The following SHROOM4 variants were observed in gnomAD, a reference collection of about 807,000 sequenced individuals.
The protein encoded by SHROOM4 is protein Shroom4.
In SHROOM4, 17 loss-of-function variants were observed where a neutral mutation model predicts 80.3. The observed-to-expected ratio is 0.21, with a 90% CI of 0.14 to 0.32. The LOEUF is 0.32. Ranked by LOEUF, SHROOM4 falls within the 10% of genes least tolerant of loss-of-function variation. The probability of loss-of-function intolerance (pLI) is 1.00; values close to 1 mark genes in which losing one functional copy is unlikely to be tolerated. For synonymous variants in SHROOM4, 400 were observed against 437.5 expected (o/e 0.91, Z 1.07); for missense variants, 993 against 1,140.3 (o/e 0.87, Z 1.86).
intron 7 of SHROOM4, among the ~76,000 whole-genome samples, chrX:50,599,305 T>C (rs1929283929): frequency 9.0e-6 from 1 of 111,715 alleles, no homozygotes; most frequent in African/African-American, 3.3e-5. Flanking sequence ...GATCTTTGCT[T>C]CCTTAGCTTG....
chrX:50,711,438 T>C (rs1933812556), intron 1 of SHROOM4, among the ~76,000 whole-genome samples: 1 of 111,918 alleles, frequency 8.9e-6, no homozygotes, highest in African/African-American at 3.2e-5. Flanking sequence ...GTTCTATACA[T>C]TAATAGAGAT....
chrX:50,809,137 A>G, intron 1 of SHROOM4, among the ~76,000 whole-genome samples: 1 of 111,542 alleles, frequency 9.0e-6, no homozygotes, highest in Non-Finnish European at 1.9e-5. Context: ...GAGGGGATTC[A>G]TGTAGGTAAC....
intron 4 of SHROOM4, among the ~76,000 whole-genome samples, chrX:50,630,818 G>T (rs1931026931): frequency 9.0e-6 from 1 of 111,488 alleles, no homozygotes; most frequent in East Asian, 2.8e-4. Flanking sequence ...TTTCTTGAAA[G>T]ACACAAACTA....
chrX:50,634,982 G>A lies in SHROOM4; in HGVS notation c.1091C>T (p.Thr364Ile). 2.5e-6 allele frequency: 3 copies of A among 1,212,160 alleles called. No individual in the cohort carries two copies. The highest frequency in any genetic ancestry group is 3.5e-5 in the South Asian group (2 of 56,994). The change falls in exon 4 of 9, where the codon ACC (threonine) becomes ATC (isoleucine). Residue 364 changes from threonine to isoleucine, a missense_variant. By Grantham distance (89) the Thr-to-Ile change is moderately conservative (BLOSUM62 -1). Coordinates refer to ENST00000376020, the MANE Select transcript of SHROOM4 (RefSeq NM_020717.5). Reference sequence around the variant, plus strand: ...GGCTTTTGGGGATCCAACAGCTTTGGTTGAGGCCTGCATCAGTAGATGCTC... The same window carrying A: ...GGCTTTTGGGGATCCAACAGCTTTGATTGAGGCCTGCATCAGTAGATGCTC... ...GSEHLLMQAS[T>I]KAVGSPKACD...
Position 50,586,987 on chromosome X carries a change from C to T in SHROOM4, c.*9708G>A, listed in dbSNP as rs1419716516. On this transcript the variant is annotated 3_prime_UTR_variant, in exon 9 of 9. Coordinates refer to ENST00000376020, the MANE Select transcript of SHROOM4 (RefSeq NM_020717.5). ...CCAGTATTCAATACAGCATTATTAA[C>T]TATAGAACTTATGCTGTACATGAGA... Among the ~76,000 whole-genome samples the T allele has an allele frequency of 8.9e-6, 1 of 111,821 alleles. No homozygotes were observed. Among genetic ancestry groups the T allele is most frequent in the African/African-American group, 3.3e-5 (1 of 30,762 alleles).
At chrX:50,603,200 T>TA (rs1929513600) in intron 6 of SHROOM4, among the ~76,000 whole-genome samples, 1 of 111,088 alleles carries the variant, frequency 9.0e-6, no homozygotes. Context: ...TCTGAGACCT[T>TA]ATCTATTGGT....
chrX:50,710,418 AAACC>A (rs1557264303), intron 1 of SHROOM4, among the ~76,000 whole-genome samples: 2 of 111,801 alleles, frequency 1.8e-5, no homozygotes, highest in African/African-American at 6.5e-5. Flanking sequence ...CAGGAACAGA[AAACC>A]AAATACCACA....
chrX:50,794,635 A>AACACACAC (rs1331909075), intron 1 of SHROOM4, among the ~76,000 whole-genome samples: 1 of 41,193 alleles, frequency 2.4e-5, no homozygotes, highest in African/African-American at 6.2e-5. Context: ...GACACACACA[A>AACACACAC]ACACACACAC....
At chrX:50,808,496 G>C (rs1231557876) in intron 1 of SHROOM4, among the ~76,000 whole-genome samples, 2 of 111,820 alleles carry the variant, frequency 1.8e-5, no homozygotes, top group African/African-American at 6.5e-5. Flanking sequence ...TACTCTGGGA[G>C]CACTGAGTTA....
chrX:50,734,172 A>G (rs782612269), intron 1 of SHROOM4, among the ~76,000 whole-genome samples: 3 of 112,078 alleles, frequency 2.7e-5, no homozygotes, highest in African/African-American at 9.7e-5. Flanking sequence ...AAGACCTAAC[A>G]TTTTTAAGAT....
chrX:50,583,698 A>G (rs1331127425), downstream of SHROOM4, among the ~76,000 whole-genome samples: 1 of 111,163 alleles, frequency 9.0e-6, no homozygotes, highest in Non-Finnish European at 1.9e-5. Flanking sequence ...ATCTGAAGGT[A>G]GTCTTCAGCT....
Position 50,809,266 on chromosome X carries a change from C to T in SHROOM4, c.117+4636G>A, listed in dbSNP as rs991387896. Among the ~76,000 whole-genome samples, 8 of 111,817 alleles carry T rather than the reference C, an allele frequency of 7.2e-5. 1 individual carries two copies. The highest frequency in any genetic ancestry group is 9.3e-3 in the Middle Eastern group (2 of 215). On this transcript the variant is annotated intron_variant, in intron 1 of 8. Transcript: ENST00000376020. ...GGAACTCTCATTGTTCACATAATAC[C>T]ACCTCTGCACCCAATAAGAATTCAA...
At chrX:50,791,968 A>T (rs1462550390) in intron 1 of SHROOM4, among the ~76,000 whole-genome samples, 1 of 111,386 alleles carries the variant, frequency 9.0e-6, no homozygotes, top group Non-Finnish European at 1.9e-5. Flanking sequence ...TAGTCTCTTC[A>T]ATGAATGGTA....
rs782111628 is a variant in SHROOM4, at chrX:50,587,579, G to A, written c.*9116C>T. 1.9e-4 allele frequency among the ~76,000 whole-genome samples: 21 copies of A among 112,091 alleles called. No homozygotes were observed. Among genetic ancestry groups the A allele is most frequent in the South Asian group, 7.4e-4 (2 of 2,685 alleles). On this transcript the variant is annotated 3_prime_UTR_variant, in exon 9 of 9. Transcript: ENST00000376020. ...GAATGTTTCGCATTGCCATACCAGG[G>A]TAAAAAGTGATTGTGTGTATATTTC...
intron 1 of SHROOM4, among the ~76,000 whole-genome samples, chrX:50,797,667 T>C (rs1280666358): frequency 9.0e-6 from 1 of 111,418 alleles, no homozygotes; most frequent in African/African-American, 3.3e-5. Context: ...AATAATTGTA[T>C]AGAGAAAACA....
intron 1 of SHROOM4, among the ~76,000 whole-genome samples, chrX:50,813,160 T>TGGCGGCGGCGGCGGCGGCAGTGGCGGC (rs1936379690): frequency 4.9e-5 from 5 of 101,999 alleles, no homozygotes; most frequent in Non-Finnish European, 1.0e-4. Flanking sequence ...GCGGCGGCAG[T>TGGCGGCGGCGGCGGCGGCAGTGGCGGC]GGCGGCGGCG....
intron 2 of SHROOM4, among the ~76,000 whole-genome samples, chrX:50,686,316 T>G (rs988856829): frequency 9.0e-6 from 1 of 110,626 alleles, no homozygotes; most frequent in Non-Finnish European, 1.9e-5. Flanking sequence ...ATTACAGGCG[T>G]GAGTCCCCGC....
chrX:50,809,660 ACT>A (rs781798226), intron 1 of SHROOM4, among the ~76,000 whole-genome samples: 24 of 111,352 alleles, frequency 2.2e-4, no homozygotes, highest in Non-Finnish European at 4.0e-4. Context: ...CCCCTACCCC[ACT>A]CTGTTTTGTT....
chrX:50,588,225 A>G lies in SHROOM4; in HGVS notation c.*8470T>C, dbSNP rs1266688875. Among the ~76,000 whole-genome samples, 2 of 111,424 alleles carry G rather than the reference A, an allele frequency of 1.8e-5. No individual in the cohort carries two copies. The highest frequency in any genetic ancestry group is 5.6e-4 in the East Asian group (2 of 3,551). ...AGTGGGGAACTCCTAAGGCTGAAAC[A>G]TTTTATCTGCAGGTCCAAAAAATCT... On this transcript the variant is annotated 3_prime_UTR_variant, in exon 9 of 9. Transcript: ENST00000376020.
Sources: allele counts gnomAD v4.1 joint callset (sites outside exome capture counted in the v4.1 genomes callset), GRCh38; gene constraint gnomAD v4.1.1; transcripts MANE v1.5; gene names NCBI Gene and HGNC (gene_info 2026-07-23, HGNC 2026-07-21).